Variants in CFAP95 observed in about 807,000 individuals in gnomAD.
CFAP95 encodes the protein cilia and flagella associated protein 95.
At chr9:69,827,032 C>G in the CFAP95 span, among the ~76,000 whole-genome samples, 1 of 152,052 alleles carries the variant, frequency 6.6e-6, no homozygotes, top group African/African-American at 2.4e-5. Context: ...GTAGAAATGA[C>G]CTTAGAAGGG....
the CFAP95 span, among the ~76,000 whole-genome samples, chr9:69,902,874 T>C: frequency 6.6e-6 from 1 of 152,216 alleles, no homozygotes; most frequent in African/African-American, 2.4e-5. Flanking sequence ...AATTTCCTGT[T>C]TTCCTTCACT....
At chr9:69,842,581 T>C in the CFAP95 span, among the ~76,000 whole-genome samples, 588 of 152,324 alleles carry the variant, frequency 3.9e-3, 6 homozygotes, top group African/African-American at 0.013. Flanking sequence ...TTAAAAAAAT[T>C]TTAATTCATA....
the CFAP95 span, among the ~76,000 whole-genome samples, chr9:69,836,708 A>G: frequency 8.1e-6 from 1 of 124,012 alleles, no homozygotes; most frequent in Admixed American, 8.2e-5. Context: ...TTTTTTTTAC[A>G]TTTTATTTAT....
At chr9:69,844,555 T>C in the CFAP95 span, 5 of 1,612,562 alleles carry the variant, frequency 3.1e-6, no homozygotes, top group African/African-American at 2.7e-5. Context: ...GGTTATGATA[T>C]AGAGGGTCCT....
At chr9:69,843,953 ACT>A in the CFAP95 span, among the ~76,000 whole-genome samples, 1 of 151,598 alleles carries the variant, frequency 6.6e-6, no homozygotes. Flanking sequence ...ATTCTTAATC[ACT>A]CTTTTAATCA....
chr9:69,883,121 G>A, the CFAP95 span, among the ~76,000 whole-genome samples: 1 of 152,124 alleles, frequency 6.6e-6, no homozygotes, highest in African/African-American at 2.4e-5. Context: ...CTCATTACTT[G>A]TTATTGGTGT....
At chr9:69,831,848 A>G in the CFAP95 span, among the ~76,000 whole-genome samples, 1 of 152,124 alleles carries the variant, frequency 6.6e-6, no homozygotes, top group Admixed American at 6.6e-5. Flanking sequence ...GTATCTTGTG[A>G]TGCAGAATGT....
chr9:69,837,677 A>G, the CFAP95 span, among the ~76,000 whole-genome samples: 31 of 152,252 alleles, frequency 2.0e-4, no homozygotes, highest in African/African-American at 7.5e-4. Flanking sequence ...CCCATTTTGT[A>G]GGTTGCCTGT....
At chr9:69,861,513 C>A in the CFAP95 span, among the ~76,000 whole-genome samples, 4 of 152,010 alleles carry the variant, frequency 2.6e-5, no homozygotes, top group Admixed American at 2.0e-4. Context: ...GAATAAATTT[C>A]TAGCTTTCTG....
At chr9:69,883,343 A>G in the CFAP95 span, among the ~76,000 whole-genome samples, 1 of 151,998 alleles carries the variant, frequency 6.6e-6, no homozygotes, top group Admixed American at 6.6e-5. Context: ...GTGGGGTTGG[A>G]ATGACTCTGG....
the CFAP95 span, among the ~76,000 whole-genome samples, chr9:69,824,012 G>A: frequency 6.6e-6 from 1 of 152,194 alleles, no homozygotes; most frequent in Non-Finnish European, 1.5e-5. Flanking sequence ...TGATGGCTTA[G>A]TTTGGGCTCA....
the CFAP95 span, among the ~76,000 whole-genome samples, chr9:69,851,398 T>C: frequency 1.3e-5 from 2 of 152,184 alleles, no homozygotes; most frequent in African/African-American, 2.4e-5. Flanking sequence ...AAGTAAAATA[T>C]TTCATCAAAA....
the CFAP95 span, among the ~76,000 whole-genome samples, chr9:69,864,037 G>A: frequency 2.6e-5 from 4 of 152,110 alleles, no homozygotes; most frequent in South Asian, 2.1e-4. Context: ...CTGAGTTTGA[G>A]GGCTCCCCAG....
the CFAP95 span, among the ~76,000 whole-genome samples, chr9:69,822,992 G>T: frequency 6.6e-6 from 1 of 152,286 alleles, no homozygotes; most frequent in African/African-American, 2.4e-5. Flanking sequence ...ATCATAAGTT[G>T]TCAATAATAT....
chr9:69,863,439 G>A, the CFAP95 span, among the ~76,000 whole-genome samples: 2 of 152,136 alleles, frequency 1.3e-5, no homozygotes, highest in East Asian at 3.9e-4. Flanking sequence ...GTCAATTTAA[G>A]AGTTTTTATT....
chr9:69,857,480 C>G, the CFAP95 span, among the ~76,000 whole-genome samples: 1 of 152,164 alleles, frequency 6.6e-6, no homozygotes, highest in Non-Finnish European at 1.5e-5. Flanking sequence ...CATGAAAACT[C>G]TTTAAAAAGT....
chr9:69,899,194 T>C, the CFAP95 span, among the ~76,000 whole-genome samples: 672 of 152,374 alleles, frequency 4.4e-3, 2 homozygotes, highest in Non-Finnish European at 7.3e-3. Flanking sequence ...AATAGTGACC[T>C]AGCCAACAGT....
chr9:69,827,252 T>C, the CFAP95 span, among the ~76,000 whole-genome samples: 1 of 152,206 alleles, frequency 6.6e-6, no homozygotes, highest in Non-Finnish European at 1.5e-5. Flanking sequence ...TATAATATCA[T>C]GCAGGCATTT....
the CFAP95 span, among the ~76,000 whole-genome samples, chr9:69,903,455 C>T: frequency 0.026 from 3,907 of 152,258 alleles, 77 homozygotes; most frequent in Middle Eastern, 0.044. Flanking sequence ...ATGGGAGAAG[C>T]GGACTCATGG....
Sources: gnomAD v4.1 joint callset for allele counts (sites outside exome capture counted in the v4.1 genomes callset) on GRCh38, gnomAD v4.1.1 for gene constraint, MANE v1.5 for transcripts, NCBI Gene and HGNC (gene_info 2026-07-23, HGNC 2026-07-21) for gene names.